The following SYNPO2 variants were observed in gnomAD, a reference collection of about 807,000 sequenced individuals.
The protein encoded by SYNPO2 is synaptopodin 2.
Under a neutral mutation model 85.0 loss-of-function variants are expected in SYNPO2, and 56 were observed. The observed-to-expected ratio is 0.66, with a 90% CI of 0.53 to 0.82. The LOEUF (loss-of-function observed/expected upper bound fraction) is 0.82. SYNPO2 is among the 40% of genes least tolerant of loss of function. The probability of loss-of-function intolerance (pLI) is 0.00; values close to 1 mark genes in which losing one functional copy is unlikely to be tolerated. For synonymous variants in SYNPO2, 602 were observed against 591.1 expected (o/e 1.02, Z -0.27); for missense variants, 1,575 against 1,534.2 (o/e 1.03, Z -0.44).
At chr4:118,988,839 T>C (rs1291387926) in intron 1 of SYNPO2, among the ~76,000 whole-genome samples, 1 of 152,126 alleles carries the variant, frequency 6.6e-6, no homozygotes, top group Non-Finnish European at 1.5e-5. Flanking sequence ...ACAGGAAACA[T>C]GCACCTTCCC....
At chr4:119,048,103 T>C (rs911116167) in intron 4 of SYNPO2, among the ~76,000 whole-genome samples, 1 of 152,230 alleles carries the variant, frequency 6.6e-6, no homozygotes, top group African/African-American at 2.4e-5. Flanking sequence ...AATCATTTAT[T>C]TGAACCTTAA....
intron 1 of SYNPO2, among the ~76,000 whole-genome samples, chr4:118,926,335 A>G (rs1184086871): frequency 6.6e-6 from 1 of 152,126 alleles, no homozygotes; most frequent in Non-Finnish European, 1.5e-5. Context: ...GAGGAAAAAT[A>G]CTTTTTATAT....
At chr4:118,992,299 C>T (rs1736446201) in intron 1 of SYNPO2, among the ~76,000 whole-genome samples, 1 of 152,154 alleles carries the variant, frequency 6.6e-6, no homozygotes, top group Non-Finnish European at 1.5e-5. Flanking sequence ...GCTGCTGAAA[C>T]AGTCTGAGGA....
intron 3 of SYNPO2, among the ~76,000 whole-genome samples, chr4:119,028,231 T>C (rs545755300): frequency 6.6e-6 from 1 of 151,652 alleles, no homozygotes; most frequent in Non-Finnish European, 1.5e-5. Flanking sequence ...TGTTTTTTTT[T>C]TTTTTTTTAC....
chr4:119,000,011 G>C (rs1179228183), intron 1 of SYNPO2, among the ~76,000 whole-genome samples: 7 of 152,150 alleles, frequency 4.6e-5, no homozygotes, highest in Non-Finnish European at 1.0e-4. Context: ...TCCTGACCAT[G>C]GGTTTATCTG....
At chr4:119,011,972 G>T (rs1472106577) in intron 1 of SYNPO2, among the ~76,000 whole-genome samples, 1 of 142,680 alleles carries the variant, frequency 7.0e-6, no homozygotes, top group African/African-American at 2.6e-5. Context: ...ACCCAGCTTG[G>T]AGTGCAGTGG....
chr4:118,973,448 T>C (rs1420688708), intron 1 of SYNPO2, among the ~76,000 whole-genome samples: 1 of 152,178 alleles, frequency 6.6e-6, no homozygotes, highest in Non-Finnish European at 1.5e-5. Flanking sequence ...TATGATATGA[T>C]ACTGGCAGTT....
At chr4:118,985,502 G>A (rs1736185668) in intron 1 of SYNPO2, among the ~76,000 whole-genome samples, 1 of 152,176 alleles carries the variant, frequency 6.6e-6, no homozygotes, top group South Asian at 2.1e-4. Context: ...ACTGCTGTAG[G>A]CAAGTGACTA....
At chr4:118,943,127 A>C (rs1734374696) in intron 1 of SYNPO2, among the ~76,000 whole-genome samples, 1 of 151,816 alleles carries the variant, frequency 6.6e-6, no homozygotes, top group South Asian at 2.1e-4. Context: ...AAAAGTCAAT[A>C]GTGTTGAGGT....
chr4:119,013,466 A>G (rs1386383420), intron 1 of SYNPO2, among the ~76,000 whole-genome samples: 1 of 152,240 alleles, frequency 6.6e-6, no homozygotes, highest in Non-Finnish European at 1.5e-5. Context: ...TTTTAAATTT[A>G]TGGGACATCA....
chr4:118,964,358 T>C (rs1735225762), intron 1 of SYNPO2, among the ~76,000 whole-genome samples: 1 of 150,788 alleles, frequency 6.6e-6, no homozygotes, highest in African/African-American at 2.5e-5. Context: ...GGTGTGGTAG[T>C]TTGTGCCTGT....
At chr4:118,914,345 C>G (rs4834720) in intron 1 of SYNPO2, among the ~76,000 whole-genome samples, 3 of 152,054 alleles carry the variant, frequency 2.0e-5, no homozygotes, top group African/African-American at 2.4e-5. Flanking sequence ...GCTGAAATAC[C>G]TGAAGCAAGA....
intron 1 of SYNPO2, among the ~76,000 whole-genome samples, chr4:118,980,711 T>C (rs993634993): frequency 1.3e-5 from 2 of 152,194 alleles, no homozygotes; most frequent in Non-Finnish European, 2.9e-5. Flanking sequence ...GAAGCACATA[T>C]ATAGAATCCA....
At chr4:119,038,236 T>C (rs2149195600) in intron 4 of SYNPO2, 1 of 985,432 alleles carries the variant, frequency 1.0e-6, no homozygotes. Context: ...GTCTCTGCTT[T>C]GTAGATAGCT....
intron 1 of SYNPO2, among the ~76,000 whole-genome samples, chr4:119,005,499 T>G (rs1036278296): frequency 1.6e-4 from 22 of 134,884 alleles, no homozygotes; most frequent in Admixed American, 2.3e-4. Flanking sequence ...TTTCCCCATT[T>G]CTTGTTTTTG....
intron 4 of SYNPO2, chr4:119,037,377 T>G: frequency 8.2e-7 from 1 of 1,224,318 alleles, no homozygotes; most frequent in Non-Finnish European, 1.0e-6. Context: ...TACTTGGCCC[T>G]GAGTTGAAAA....
At chr4:118,948,299 A>G (rs988383803) in intron 1 of SYNPO2, among the ~76,000 whole-genome samples, 6 of 152,178 alleles carry the variant, frequency 3.9e-5, no homozygotes, top group African/African-American at 1.2e-4. Flanking sequence ...TAAAATGTCC[A>G]TTTTCTTAAG....
rs1456540805 is a variant in SYNPO2, at chr4:118,910,504, G to A, written c.105+21363G>A. Among the ~76,000 whole-genome samples the A allele has an allele frequency of 1.1e-4, 17 of 152,332 alleles. No homozygotes were observed. The East Asian group carries it at 2.7e-3, about 24-fold the overall frequency. Reference sequence around the variant, plus strand: ...CTTGTTTAATTATGTGTGTGTGTGTGTGTTTATGAGAAATATGGTGCACTT... The same window carrying A: ...CTTGTTTAATTATGTGTGTGTGTGTATGTTTATGAGAAATATGGTGCACTT... On this transcript the variant is annotated intron_variant, in intron 1 of 4. Coordinates refer to ENST00000307142, the MANE Select transcript of SYNPO2 (RefSeq NM_133477.3).
At position 119,030,809 on chromosome 4, in the gene SYNPO2, A is replaced by G. The variant is rs1287391248; in HGVS notation, c.2034A>G (p.Ala678=). Residue 678 remains alanine (A), a synonymous_variant, in exon 4 of 5, where the codon GCA becomes GCG. Coordinates refer to ENST00000307142, the MANE Select transcript of SYNPO2 (RefSeq NM_133477.3). ...ASRDERISVP[A]KRTGILQEAK... ...GAGATGAGAGGATCTCAGTGCCAGC[A>G]AAAAGAACAGGAATATTGCAGGAGG... 1.2e-6 allele frequency: 2 copies of G among 1,614,042 alleles called. No individual in the cohort carries two copies. The highest frequency in any genetic ancestry group is 3.3e-5 in the Admixed American group (2 of 60,002).
Sources: gnomAD v4.1 joint callset for allele counts (sites outside exome capture counted in the v4.1 genomes callset) on GRCh38, gnomAD v4.1.1 for gene constraint, MANE v1.5 for transcripts, NCBI Gene and HGNC (gene_info 2026-07-23, HGNC 2026-07-21) for gene names.